The following STAM2 variants were observed in gnomAD, a reference collection of about 807,000 sequenced individuals.
STAM2 encodes signal transducing adaptor molecule 2.
In STAM2, 51 loss-of-function variants were observed where a neutral mutation model predicts 65.6. The observed-to-expected ratio is 0.78, with a 90% CI of 0.62 to 0.98. The LOEUF is 0.98. Among genes scored for constraint, STAM2 ranks in the 50% least tolerant of loss-of-function variants. The pLI is 0.00. For synonymous variants in STAM2, 198 were observed against 208.4 expected (o/e 0.95, Z 0.43); for missense variants, 584 against 617.8 (o/e 0.95, Z 0.58).
Position 152,147,328 on chromosome 2 carries a change from G to C in STAM2, c.301-20C>G. ...ATGTGCCTTTTAAGGAAAAGGAAAG[G>C]AAAATAAACAAAAATCTACGGTTAA... On this transcript the variant is annotated intron_variant, in intron 4 of 13. Coordinates refer to ENST00000263904, the MANE Select transcript of STAM2 (RefSeq NM_005843.6). The C allele has an allele frequency of 6.6e-7, 1 of 1,512,020 alleles. No homozygotes were observed. Among genetic ancestry groups the C allele is most frequent in the South Asian group, 1.4e-5 (1 of 73,514 alleles). 93.7% of individuals were successfully genotyped at this position (1,512,020 alleles called of 1,614,324 possible). A position where few individuals can be genotyped will look rare whatever the true frequency, so the allele number is the denominator to read the frequency against.
Position 152,120,158 on chromosome 2 carries a change from A to T in STAM2, c.*416T>A, listed in dbSNP as rs958314010. The T allele has an allele frequency of 6.7e-6, 1 of 150,038 alleles. No individual in the cohort carries two copies. The highest frequency in any genetic ancestry group is 1.4e-5 in the Non-Finnish European group (1 of 70,736). 9.3% of individuals were successfully genotyped at this position (150,038 alleles called of 1,614,324 possible). ...TTTAAAATAATATTTTAATCCTCCT[A>T]TCTCATACTGTTTATAAGTATGAGA... On this transcript the variant is annotated 3_prime_UTR_variant, in exon 14 of 14. Transcript: ENST00000263904.
intron 1 of STAM2, 55 bp downstream of exon 1, chr2:152,175,548 A>C: frequency 6.2e-7 from 1 of 1,610,556 alleles, no homozygotes. Context: ...CTAGCCGGAC[A>C]AACAGCAGTC....
chr2:152,124,112 A>G (rs1688911285), intron 12 of STAM2, 177 bp from the exon 13 acceptor site: 1 of 559,726 alleles, frequency 1.8e-6, no homozygotes, highest in South Asian at 2.6e-5. Context: ...CACAGTGCCA[A>G]ATCTATGGAA....
chr2:152,139,060 T>G (rs552229418), intron 7 of STAM2, among the ~76,000 whole-genome samples: 1 of 152,300 alleles, frequency 6.6e-6, no homozygotes, highest in African/African-American at 2.4e-5. Context: ...CAGCTCTATA[T>G]TCTCTCCACT....
At chr2:152,140,061 A>C (rs915758516) in intron 7 of STAM2, among the ~76,000 whole-genome samples, 3 of 152,152 alleles carry the variant, frequency 2.0e-5, no homozygotes, top group African/African-American at 4.8e-5. Flanking sequence ...CAACTCTCTA[A>C]GGAACTGAGA....
intron 1 of STAM2, among the ~76,000 whole-genome samples, chr2:152,172,859 T>A: frequency 1.5e-5 from 2 of 135,920 alleles, no homozygotes; most frequent in African/African-American, 2.8e-5. Context: ...GACAGATTCG[T>A]CTCAAAAAAA....
At chr2:152,128,231 C>T (rs935084011) in intron 11 of STAM2, among the ~76,000 whole-genome samples, 8 of 152,050 alleles carry the variant, frequency 5.3e-5, no homozygotes, top group Non-Finnish European at 1.0e-4. Flanking sequence ...CACGGTGAAA[C>T]CCCGTCTCTA....
chr2:152,171,025 T>C (rs1689889492), intron 1 of STAM2, among the ~76,000 whole-genome samples: 1 of 152,154 alleles, frequency 6.6e-6, no homozygotes, highest in African/African-American at 2.4e-5. Flanking sequence ...ATGACAAAAG[T>C]TGCAGAATGA....
At chr2:152,150,542 C>T (rs919187654) in intron 1 of STAM2, among the ~76,000 whole-genome samples, 2 of 152,206 alleles carry the variant, frequency 1.3e-5, no homozygotes, top group Non-Finnish European at 2.9e-5. Context: ...GTGGCTCATG[C>T]CTGTAATCCC....
At position 152,126,625 on chromosome 2, in the gene STAM2, G is replaced by A. The variant is rs147081530; in HGVS notation, c.1026-246C>T. 3.6e-3 allele frequency among the ~76,000 whole-genome samples: 552 copies of A among 152,256 alleles called. 4 individuals are homozygous for A. The highest frequency in any genetic ancestry group is 6.8e-3 in the Middle Eastern group (2 of 294). On this transcript the variant is annotated intron_variant, in intron 11 of 13. Transcript: ENST00000263904. The stretch of plus-strand genomic sequence containing the variant: ...GGAATCTAAGGCTGATTTTCAAGCT[G>A]ACTTCTTATAACTAAATTGAAAGGA...
intron 7 of STAM2, among the ~76,000 whole-genome samples, chr2:152,137,516 A>T (rs1689177859): frequency 6.6e-6 from 1 of 152,032 alleles, no homozygotes; most frequent in Non-Finnish European, 1.5e-5. Flanking sequence ...CACATTTTGG[A>T]CAGCAGTTGT....
At chr2:152,127,797 A>T (rs17398253) in intron 11 of STAM2, among the ~76,000 whole-genome samples, 22,746 of 152,244 alleles carry the variant, frequency 0.15, 1,979 homozygotes, top group Middle Eastern at 0.31. Flanking sequence ...AACTCTTTCT[A>T]CTTGATAGTT....
chr2:152,135,180 CTT>C (rs1342933588), intron 8 of STAM2, among the ~76,000 whole-genome samples: 1 of 152,198 alleles, frequency 6.6e-6, no homozygotes, highest in African/African-American at 2.4e-5. Context: ...TCAAAACACT[CTT>C]TGTACAGAAT....
rs1689291044 is a variant in STAM2, at chr2:152,143,813, G to A, written c.704+14C>T. 6.3e-7 allele frequency: 1 copy of A among 1,598,994 alleles called. No individual in the cohort carries two copies. Among genetic ancestry groups the A allele is most frequent in the African/African-American group, 1.3e-5 (1 of 74,220 alleles). ...ATTACACTTTAAACCTTCCCATAAA[G>A]ATTTAAAACTTACCTGTCATCCAAA... On this transcript the variant is annotated intron_variant, in intron 7 of 13. Transcript: ENST00000263904.
chr2:152,124,018 A>C (rs1262670310), intron 12 of STAM2, 83 bp from the exon 13 acceptor site: 3 of 1,201,492 alleles, frequency 2.5e-6, no homozygotes. Context: ...AAAGACTTAA[A>C]GGAAAGAAAC....
At chr2:152,174,957 T>C (rs75530543) in intron 1 of STAM2, among the ~76,000 whole-genome samples, 1,685 of 152,342 alleles carry the variant, frequency 0.011, 24 homozygotes, top group Middle Eastern at 0.085. Context: ...AAAATACTTG[T>C]TGTTCTGGAG....
intron 1 of STAM2, among the ~76,000 whole-genome samples, chr2:152,173,806 T>A (rs1335895012): frequency 4.6e-5 from 7 of 152,192 alleles, no homozygotes; most frequent in Admixed American, 4.6e-4. Context: ...TCTTTAGTAT[T>A]TCATTCTACT....
intron 1 of STAM2, among the ~76,000 whole-genome samples, chr2:152,162,247 A>C (rs1350994940): frequency 6.6e-6 from 1 of 152,228 alleles, no homozygotes; most frequent in Non-Finnish European, 1.5e-5. Context: ...ACATAAGCTA[A>C]ATCACTTGCT....
At chr2:152,161,050 T>C (rs1048048753) in intron 1 of STAM2, among the ~76,000 whole-genome samples, 1 of 151,976 alleles carries the variant, frequency 6.6e-6, no homozygotes, top group Non-Finnish European at 1.5e-5. Flanking sequence ...TTTTGTGGAA[T>C]AGAAGGGGGG....
Sources: gnomAD v4.1 joint callset for allele counts (sites outside exome capture counted in the v4.1 genomes callset) on GRCh38, gnomAD v4.1.1 for gene constraint, MANE v1.5 for transcripts, NCBI Gene and HGNC (gene_info 2026-07-23, HGNC 2026-07-21) for gene names.